Variants in HTR2C observed in about 807,000 individuals in gnomAD.
HTR2C encodes the protein 5-hydroxytryptamine (serotonin) receptor 2C, G protein-coupled.
A neutral mutation model predicts 21.0 loss-of-function variants in HTR2C; 5 were observed. That is an observed-to-expected ratio of 0.24 (90% CI 0.12 to 0.50). The LOEUF (loss-of-function observed/expected upper bound fraction) is 0.50, where lower values mean the gene tolerates loss of function less well. HTR2C is among the 20% of genes least tolerant of loss of function. The pLI, the probability that HTR2C is intolerant of heterozygous loss-of-function variation, is 0.98. For synonymous variants in HTR2C, 150 were observed against 145.3 expected (o/e 1.03, Z -0.23); for missense variants, 271 against 371.2 (o/e 0.73, Z 2.22).
chrX:114,725,380 G>C (rs1415656395), intron 2 of HTR2C, among the ~76,000 whole-genome samples: 6 of 111,010 alleles, frequency 5.4e-5, no homozygotes, highest in African/African-American at 9.8e-5. Context: ...CTCCTTTAAG[G>C]ACTTCTCTGT....
chrX:114,899,030 G>GT (rs1182157620), intron 5 of HTR2C, among the ~76,000 whole-genome samples: 1 of 112,107 alleles, frequency 8.9e-6, no homozygotes, highest in East Asian at 2.8e-4. Flanking sequence ...AGCATGGAAT[G>GT]TTTTTCCATT....
At chrX:114,744,168 T>A (rs112165145) in intron 4 of HTR2C, among the ~76,000 whole-genome samples, 6 of 110,561 alleles carry the variant, frequency 5.4e-5, no homozygotes, top group African/African-American at 2.0e-4. Context: ...ATTTTAAATA[T>A]ATATAGTTTA....
At chrX:114,729,714 A>G (rs1407363525) in intron 3 of HTR2C, among the ~76,000 whole-genome samples, 1 of 111,852 alleles carries the variant, frequency 8.9e-6, no homozygotes, top group African/African-American at 3.2e-5. Context: ...GTCAGCAATG[A>G]GTCCATTAAA....
chrX:114,802,048 G>A (rs782369671), intron 4 of HTR2C, among the ~76,000 whole-genome samples: 5 of 110,166 alleles, frequency 4.5e-5, no homozygotes, highest in Non-Finnish European at 9.5e-5. Context: ...TGAGATACAG[G>A]GGCAACAAAG....
At chrX:114,854,232 T>A (rs1195524065) in intron 5 of HTR2C, among the ~76,000 whole-genome samples, 9 of 111,474 alleles carry the variant, frequency 8.1e-5, no homozygotes, top group Non-Finnish European at 1.9e-5. Context: ...ATGAGCTATA[T>A]CCATCAGCAT....
intron 2 of HTR2C, among the ~76,000 whole-genome samples, chrX:114,683,204 T>G (rs1931802231): frequency 9.0e-6 from 1 of 111,716 alleles, no homozygotes; most frequent in Non-Finnish European, 1.9e-5. Context: ...GATTGCTCTT[T>G]GAGGTTCTTT....
chrX:114,848,510 T>A (rs1401557575), intron 5 of HTR2C, among the ~76,000 whole-genome samples: 1 of 111,619 alleles, frequency 9.0e-6, no homozygotes, highest in South Asian at 3.7e-4. Context: ...GCTTTGAAAA[T>A]GAGAAAGACA....
intron 2 of HTR2C, among the ~76,000 whole-genome samples, chrX:114,704,124 G>A (rs1032096187): frequency 2.1e-4 from 23 of 111,320 alleles, no homozygotes; most frequent in Admixed American, 2.9e-4. Flanking sequence ...GAATTCTACT[G>A]GAGGTACAAG....
At chrX:114,659,226 C>T (rs1930896441) in intron 2 of HTR2C, among the ~76,000 whole-genome samples, 1 of 111,468 alleles carries the variant, frequency 9.0e-6, no homozygotes. Context: ...CGGATCCCTC[C>T]CACAACACAG....
intron 4 of HTR2C, among the ~76,000 whole-genome samples, chrX:114,805,526 T>C (rs1024599341): frequency 1.7e-5 from 1 of 59,843 alleles, no homozygotes; most frequent in Admixed American, 2.6e-4. Context: ...ATATGCACCA[T>C]ATATATATGG....
Position 114,657,010 on chromosome X carries a change from A to T in HTR2C, c.-80+43129A>T, listed in dbSNP as rs188203940. On this transcript the variant is annotated intron_variant, in intron 2 of 5. Transcript: ENST00000276198. ...TAACAGAGTAATAAATAATGTTTAC[A>T]GTGGGAAGCAGTCTTATCTTCAAAA... Among the ~76,000 whole-genome samples, 3 of 111,302 alleles carry T rather than the reference A, an allele frequency of 2.7e-5. No homozygotes were observed. In the Admixed American group the frequency reaches 2.9e-4, roughly 11 times the overall value.
chrX:114,892,280 T>C (rs2071264078), intron 5 of HTR2C, among the ~76,000 whole-genome samples: 1 of 111,932 alleles, frequency 8.9e-6, no homozygotes, highest in African/African-American at 3.2e-5. Flanking sequence ...TTGACCGAAT[T>C]CACCAATGAA....
At chrX:114,856,071 C>T (rs1275698782) in intron 5 of HTR2C, among the ~76,000 whole-genome samples, 5 of 108,379 alleles carry the variant, frequency 4.6e-5, no homozygotes, top group Non-Finnish European at 7.7e-5. Flanking sequence ...ATCTAGAAAA[C>T]CCCATCGTCT....
intron 4 of HTR2C, among the ~76,000 whole-genome samples, chrX:114,805,835 C>CCAT (rs2070410847): frequency 3.2e-5 from 1 of 31,213 alleles, no homozygotes; most frequent in East Asian, 1.2e-3. Context: ...ATATATATAC[C>CCAT]ATATATACCA....
intron 5 of HTR2C, among the ~76,000 whole-genome samples, chrX:114,898,020 C>T (rs1253759659): frequency 8.9e-6 from 1 of 112,689 alleles, no homozygotes; most frequent in Admixed American, 9.4e-5. Context: ...TACACTGCCA[C>T]CAACAGTGTA....
intron 2 of HTR2C, among the ~76,000 whole-genome samples, chrX:114,669,982 T>TA (rs1329027677): frequency 8.9e-6 from 1 of 112,042 alleles, no homozygotes; most frequent in Non-Finnish European, 1.9e-5. Context: ...CACACCTCTA[T>TA]AATCCTAGCA....
intron 4 of HTR2C, among the ~76,000 whole-genome samples, chrX:114,781,780 CG>C (rs1309728019): frequency 6.0e-5 from 6 of 100,082 alleles, no homozygotes; most frequent in Non-Finnish European, 1.2e-4. Flanking sequence ...AGATTACAAG[CG>C]TGAGCCACCA....
intron 2 of HTR2C, among the ~76,000 whole-genome samples, chrX:114,633,877 G>A (rs1166063379): frequency 9.3e-6 from 1 of 107,007 alleles, no homozygotes; most frequent in Non-Finnish European, 1.9e-5. Context: ...TAAACACCTA[G>A]TGATCTTACA....
At chrX:114,819,626 T>G (rs2070614151) in intron 4 of HTR2C, among the ~76,000 whole-genome samples, 1 of 112,515 alleles carries the variant, frequency 8.9e-6, no homozygotes, top group Non-Finnish European at 1.9e-5. Context: ...GACATGAAGG[T>G]GCACAAGTGC....
Sources: allele counts gnomAD v4.1 joint callset (sites outside exome capture counted in the v4.1 genomes callset), GRCh38; gene constraint gnomAD v4.1.1; transcripts MANE v1.5; gene names NCBI Gene and HGNC (gene_info 2026-07-23, HGNC 2026-07-21).